CHORDC1: variants seen among roughly 807,000 people sequenced by gnomAD.
CHORDC1 encodes the protein cysteine and histidine-rich domain-containing protein 1.
A neutral mutation model predicts 48.3 loss-of-function variants in CHORDC1; 25 were observed. The ratio of observed to expected loss-of-function variants is 0.52; its 90% confidence interval spans 0.38 to 0.72. The LOEUF (loss-of-function observed/expected upper bound fraction) is 0.72, where lower values mean the gene tolerates loss of function less well. Among genes scored for constraint, CHORDC1 ranks in the 30% least tolerant of loss-of-function variants. CHORDC1 has a pLI of 0.00. For synonymous variants in CHORDC1, 128 were observed against 126.4 expected, an observed-to-expected ratio of 1.01 and a Z score of -0.09; for missense variants, 317 against 388.7, an observed-to-expected ratio of 0.82 and a Z score of 1.55.
chr11:90,215,238 AAAC>A lies in CHORDC1; in HGVS notation c.115-11_115-9del. The A allele has an allele frequency of 6.5e-7, 1 of 1,542,930 alleles. No individual in the cohort carries two copies. The highest frequency in any genetic ancestry group is 8.8e-7 in the Non-Finnish European group (1 of 1,139,688). ...CTTACAGCAAGACCAACCCTATGAA[AAAC>A]AAGAGAAGGAAACTAAAAACTCTAT... On this transcript the variant is annotated splice_polypyrimidine_tract_variant and intron_variant, in intron 2 of 10. Transcript: ENST00000320585.
At chr11:90,212,054 C>T (rs1857882470) in intron 4 of CHORDC1, 1 of 152,172 alleles carries the variant, frequency 6.6e-6, no homozygotes, top group Admixed American at 6.5e-5. Context: ...CTTTGGGAGG[C>T]TGAGGCAAGA....
Position 90,202,848 on chromosome 11 carries a change from C to G in CHORDC1, c.817G>C (p.Glu273Gln). Residue 273 changes from glutamate to glutamine, a missense_variant, in exon 10 of 11, where the codon GAG becomes CAG. Coordinates refer to ENST00000320585, the MANE Select transcript of CHORDC1 (RefSeq NM_012124.3). ...LLNVHIVFEG[E>Q]KEFDQNVKLW... ...TTCACATTTTGATCAAATTCCTTCT[C>G]TCCTTCAAATACAATATGCACATTT... is the stretch of plus-strand genomic sequence containing the variant. 1 of 1,601,514 alleles carries G rather than the reference C, an allele frequency of 6.2e-7. No homozygotes were observed. Among genetic ancestry groups the G allele is most frequent in the Non-Finnish European group, 8.5e-7 (1 of 1,174,466 alleles).
intron 1 of CHORDC1, among the ~76,000 whole-genome samples, chr11:90,219,372 C>T (rs571649180): frequency 2.6e-4 from 39 of 152,318 alleles, no homozygotes; most frequent in Admixed American, 2.4e-3. Flanking sequence ...CTTTACTTCT[C>T]TTATGTAAAT....
At chr11:90,206,724 T>A (rs544747431) in intron 6 of CHORDC1, 47 of 1,203,552 alleles carry the variant, frequency 3.9e-5, no homozygotes, top group Non-Finnish European at 4.8e-5. Flanking sequence ...CTTATCCCTA[T>A]AAAGGGTAAA....
chr11:90,218,243 A>C, intron 1 of CHORDC1, 59 bp from the exon 2 acceptor site: 1 of 1,254,156 alleles, frequency 8.0e-7, no homozygotes, highest in Non-Finnish European at 1.1e-6. Context: ...AAAAATATAT[A>C]CATGATCATC....
intron 6 of CHORDC1, among the ~76,000 whole-genome samples, chr11:90,210,072 T>C (rs968796750): frequency 5.3e-5 from 8 of 152,204 alleles, no homozygotes; most frequent in African/African-American, 1.9e-4. Flanking sequence ...TCACCCAGGT[T>C]TACATAATCC....
At chr11:90,205,863 C>A in intron 7 of CHORDC1, 3 of 440,678 alleles carry the variant, frequency 6.8e-6, no homozygotes, top group Non-Finnish European at 1.2e-5. Flanking sequence ...TGTCTTAGTG[C>A]CCCAGGGCCC....
intron 2 of CHORDC1, chr11:90,216,554 C>T (rs1858016594): frequency 2.3e-6 from 1 of 440,886 alleles, no homozygotes; most frequent in African/African-American, 2.0e-5. Flanking sequence ...AAGTCTAGGA[C>T]TTTAAGAAAT....
rs191947038 is a variant in CHORDC1 at position 90,203,714 on chromosome 11, A to T, written c.670-287T>A. On this transcript the variant is annotated intron_variant, in intron 8 of 10. Coordinates refer to ENST00000320585, the MANE Select transcript of CHORDC1 (RefSeq NM_012124.3). ...ACACAGCTAAAAAGACAATTTAAGA[A>T]CTCCTACTAAATTTAATCCAATTTA... Among the ~76,000 whole-genome samples the T allele has an allele frequency of 2.0e-3, 309 of 152,236 alleles. 1 individual carries two copies. The highest frequency in any genetic ancestry group is 6.4e-3 in the Admixed American group (98 of 15,292).
intron 1 of CHORDC1, among the ~76,000 whole-genome samples, chr11:90,218,620 A>G (rs1858079464): frequency 6.6e-6 from 1 of 152,238 alleles, no homozygotes; most frequent in Admixed American, 6.5e-5. Context: ...TAACAGGCTC[A>G]ACATTTTAAA....
chr11:90,215,412 A>G lies in CHORDC1; in HGVS notation c.115-182T>C, dbSNP rs574494890. Reference sequence around the variant, plus strand: ...AATGAATATTAATCTTTGATTTTTAAAAAGCCAATTAACCAATGTTAAAGT... The same window carrying G: ...AATGAATATTAATCTTTGATTTTTAGAAAGCCAATTAACCAATGTTAAAGT... On this transcript the variant is annotated intron_variant, in intron 2 of 10. Transcript: ENST00000320585. 2.6e-5 allele frequency among the ~76,000 whole-genome samples: 4 copies of G among 152,174 alleles called. No individual in the cohort carries two copies. In the South Asian group the frequency reaches 8.3e-4, roughly 32 times the overall value.
intron 1 of CHORDC1, among the ~76,000 whole-genome samples, chr11:90,221,939 T>C (rs988067605): frequency 2.6e-5 from 4 of 152,208 alleles, no homozygotes; most frequent in Non-Finnish European, 4.4e-5. Flanking sequence ...TGAGCTTCTC[T>C]ATCAAATGGG....
At chr11:90,213,995 A>T in intron 4 of CHORDC1, 23 bp downstream of exon 4, 1 of 1,580,316 alleles carries the variant, frequency 6.3e-7, no homozygotes, top group Non-Finnish European at 8.6e-7. Context: ...TGTGACAAAA[A>T]TATGTAACTG....
chr11:90,203,192 CA>C (rs557522344), intron 9 of CHORDC1, 115 bp downstream of exon 9: 148 of 986,950 alleles, frequency 1.5e-4, no homozygotes, highest in Non-Finnish European at 2.1e-4. Flanking sequence ...TAATGGGAGT[CA>C]TTATAAAATC....
At chr11:90,217,578 T>C (rs1472434572) in intron 2 of CHORDC1, among the ~76,000 whole-genome samples, 1 of 152,070 alleles carries the variant, frequency 6.6e-6, no homozygotes, top group Non-Finnish European at 1.5e-5. Context: ...AACCACTCTA[T>C]TTTCCCTCAA....
At chr11:90,208,679 A>C (rs1237105139) in intron 6 of CHORDC1, 5 of 152,218 alleles carry the variant, frequency 3.3e-5, no homozygotes, top group African/African-American at 4.8e-5. Flanking sequence ...ATGTTGACTG[A>C]CAGAAAAACA....
chr11:90,220,012 A>G (rs1405334812), intron 1 of CHORDC1, among the ~76,000 whole-genome samples: 2 of 152,194 alleles, frequency 1.3e-5, no homozygotes, highest in African/African-American at 4.8e-5. Flanking sequence ...CAAATTTCGT[A>G]AACTGTCTTA....
intron 8 of CHORDC1, among the ~76,000 whole-genome samples, chr11:90,204,108 C>T (rs896429643): frequency 6.6e-6 from 1 of 151,904 alleles, no homozygotes; most frequent in African/African-American, 2.4e-5. Context: ...GTACTATTTT[C>T]GTTTTGATAA....
At chr11:90,212,993 G>T (rs977169035) in intron 4 of CHORDC1, 2 of 156,750 alleles carry the variant, frequency 1.3e-5, no homozygotes, top group African/African-American at 4.8e-5. Context: ...TTATAGTACA[G>T]ACTGTATTAT....
Sources: gnomAD v4.1 joint callset for allele counts (sites outside exome capture counted in the v4.1 genomes callset) on GRCh38, gnomAD v4.1.1 for gene constraint, MANE v1.5 for transcripts, NCBI Gene and HGNC (gene_info 2026-07-23, HGNC 2026-07-21) for gene names.